Variants in FRMD4A observed in about 807,000 individuals in gnomAD.
FRMD4A encodes FERM domain-containing protein 4A.
In FRMD4A, 29 loss-of-function variants were observed where a neutral mutation model predicts 129.1. That is an observed-to-expected ratio of 0.22 (90% CI 0.17 to 0.31). The LOEUF (loss-of-function observed/expected upper bound fraction) is 0.31. Ranked by LOEUF, FRMD4A falls within the 10% of genes least tolerant of loss-of-function variation. FRMD4A has a pLI of 1.00. For missense variants in FRMD4A, 1,272 were observed against 1,375.8 expected (o/e 0.92, Z 1.19); for synonymous variants, 634 against 571.6 (o/e 1.11, Z -1.56).
intron 2 of FRMD4A, among the ~76,000 whole-genome samples, chr10:14,187,545 C>T (rs1227951066): frequency 6.6e-6 from 1 of 152,132 alleles, no homozygotes; most frequent in Non-Finnish European, 1.5e-5. Flanking sequence ...CCATTTACCC[C>T]CAAATTGACA....
chr10:14,053,858 T>C (rs1386632584), intron 2 of FRMD4A, among the ~76,000 whole-genome samples: 2 of 151,972 alleles, frequency 1.3e-5, no homozygotes, highest in African/African-American at 2.4e-5. Flanking sequence ...ATCCCGTCTC[T>C]ACAAAAAAAT....
At chr10:14,283,507 A>T (rs1284687698) in intron 2 of FRMD4A, among the ~76,000 whole-genome samples, 1 of 152,236 alleles carries the variant, frequency 6.6e-6, no homozygotes, top group Non-Finnish European at 1.5e-5. Flanking sequence ...TATGAAAAAG[A>T]TAAAACCCAG....
intron 2 of FRMD4A, among the ~76,000 whole-genome samples, chr10:14,009,948 A>G (rs929278108): frequency 5.9e-5 from 9 of 152,082 alleles, no homozygotes; most frequent in African/African-American, 2.2e-4. Context: ...GGGGGGTGGG[A>G]AAAAATCTGG....
chr10:14,127,383 G>A (rs183680488), intron 2 of FRMD4A, among the ~76,000 whole-genome samples: 1 of 152,268 alleles, frequency 6.6e-6, no homozygotes, highest in African/African-American at 2.4e-5. Flanking sequence ...TTTGAGTTGG[G>A]GTTTGTTAGT....
intron 2 of FRMD4A, chr10:13,890,761 G>A: frequency 1.0e-6 from 1 of 985,318 alleles, no homozygotes; most frequent in Non-Finnish European, 1.2e-6. Context: ...GCGGGCATTG[G>A]TTCTCGTTTC....
chr10:13,782,699 C>T (rs1319970359), intron 6 of FRMD4A, among the ~76,000 whole-genome samples: 1 of 152,202 alleles, frequency 6.6e-6, no homozygotes, highest in Non-Finnish European at 1.5e-5. Flanking sequence ...GCCTCGGCCT[C>T]CCAAAGTGTT....
intron 2 of FRMD4A, among the ~76,000 whole-genome samples, chr10:13,900,559 T>A (rs1250500079): frequency 6.6e-6 from 1 of 152,176 alleles, no homozygotes; most frequent in Non-Finnish European, 1.5e-5. Flanking sequence ...TTCGGCTAGC[T>A]CTCTCCCTAA....
intron 2 of FRMD4A, among the ~76,000 whole-genome samples, chr10:14,026,903 G>A (rs1833009001): frequency 6.6e-6 from 1 of 152,154 alleles, no homozygotes; most frequent in African/African-American, 2.4e-5. Context: ...TAGTTTTCCA[G>A]CGATCTCAGA....
intron 2 of FRMD4A, chr10:14,008,532 G>T: frequency 1.0e-6 from 1 of 990,042 alleles, no homozygotes; most frequent in Non-Finnish European, 1.2e-6. Context: ...CGTGGCTGCA[G>T]ATGGTAATCA....
intron 2 of FRMD4A, among the ~76,000 whole-genome samples, chr10:14,043,981 C>A (rs1833885497): frequency 6.6e-6 from 1 of 152,210 alleles, no homozygotes; most frequent in African/African-American, 2.4e-5. Flanking sequence ...CACATGCCAC[C>A]ATGCCTGGCT....
intron 6 of FRMD4A, among the ~76,000 whole-genome samples, chr10:13,768,867 T>C (rs1167980554): frequency 6.6e-6 from 1 of 152,148 alleles, no homozygotes; most frequent in East Asian, 1.9e-4. Context: ...TAAAACACAC[T>C]ACAAGTATTA....
intron 2 of FRMD4A, among the ~76,000 whole-genome samples, chr10:14,244,515 G>C (rs1844164945): frequency 6.6e-6 from 1 of 152,160 alleles, no homozygotes. Flanking sequence ...ATTTAAATAT[G>C]ACATTTATAT....
intron 2 of FRMD4A, among the ~76,000 whole-genome samples, chr10:13,954,457 G>C (rs1207295046): frequency 6.6e-6 from 1 of 152,106 alleles, no homozygotes; most frequent in Non-Finnish European, 1.5e-5. Context: ...AACAGCACGG[G>C]AAAGATCCGC....
In FRMD4A at chr10:14,008,069, G is replaced by T. The variant is rs1048396383; in HGVS notation, c.46-149157C>A. 3.8e-6 allele frequency: 5 copies of T among 1,303,390 alleles called. No individual in the cohort carries two copies. In the African/African-American group the frequency reaches 7.6e-5, roughly 20 times the overall value. The allele number at this position is 1,303,390 out of a possible 1,614,324, so 80.7% of individuals were successfully genotyped here. A position where few individuals can be genotyped will look rare whatever the true frequency, so the allele number is the denominator to read the frequency against. On this transcript the variant is annotated intron_variant, in intron 2 of 24. Transcript: ENST00000357447. The stretch of plus-strand genomic sequence containing the variant: ...CCGCCACGTAGCTTACCCTTTCAAC[G>T]CTGCGCCTTCTCAGAGATCCATAAG...
At chr10:13,694,479 T>C (rs1300667189) in intron 14 of FRMD4A, among the ~76,000 whole-genome samples, 1 of 152,204 alleles carries the variant, frequency 6.6e-6, no homozygotes, top group Non-Finnish European at 1.5e-5. Context: ...TTCCTCCTTA[T>C]CTGCCTGGCA....
At chr10:14,126,061 A>G (rs1433090228) in intron 2 of FRMD4A, among the ~76,000 whole-genome samples, 1 of 152,018 alleles carries the variant, frequency 6.6e-6, no homozygotes, top group African/African-American at 2.4e-5. Flanking sequence ...TGGAACTTCC[A>G]TCCATCCGTC....
At chr10:13,685,849 T>C (rs11596704) in intron 15 of FRMD4A, among the ~76,000 whole-genome samples, 9,251 of 152,326 alleles carry the variant, frequency 0.061, 357 homozygotes, top group Middle Eastern at 0.095. Flanking sequence ...TTATACATTG[T>C]CATTTGGTCC....
intron 2 of FRMD4A, among the ~76,000 whole-genome samples, chr10:13,996,493 G>A (rs769375122): frequency 7.9e-5 from 12 of 152,190 alleles, no homozygotes; most frequent in Non-Finnish European, 1.3e-4. Context: ...GCACAGACTC[G>A]TGGGAGGGCT....
In FRMD4A at chr10:13,923,595, T is replaced by C. The variant is rs74121794; in HGVS notation, c.46-64683A>G. On this transcript the variant is annotated intron_variant, in intron 2 of 24. Transcript: ENST00000357447. ...GCCCAAACCTATGTTTACCATAAGG[T>C]TTCATCACTTTTTTTAAAGAACAGC... 7.2e-3 allele frequency among the ~76,000 whole-genome samples: 1,093 copies of C among 152,166 alleles called. 12 individuals carry two copies. Among genetic ancestry groups the C allele is most frequent in the African/African-American group, 0.024 (1,013 of 41,502 alleles).
Sources: allele counts gnomAD v4.1 joint callset (sites outside exome capture counted in the v4.1 genomes callset), GRCh38; gene constraint gnomAD v4.1.1; transcripts MANE v1.5; gene names NCBI Gene and HGNC (gene_info 2026-07-23, HGNC 2026-07-21).